Variants in TTLL5 observed in about 807,000 individuals in gnomAD.
TTLL5 encodes the protein tubulin tyrosine ligase like 5.
Under a neutral mutation model 168.4 loss-of-function variants are expected in TTLL5, and 132 were observed. The ratio of observed to expected loss-of-function variants is 0.78; its 90% CI spans 0.68 to 0.91. The LOEUF (loss-of-function observed/expected upper bound fraction) is 0.91. Among genes scored for constraint, TTLL5 ranks in the 40% least tolerant of loss-of-function variants. TTLL5 has a pLI of 0.00. For missense variants in TTLL5, 1,545 were observed against 1,581.5 expected (o/e 0.98, Z 0.39); for synonymous variants, 546 against 558.6 (o/e 0.98, Z 0.32).
chr14:75,703,560 A>G (rs779098537), intron 7 of TTLL5, among the ~76,000 whole-genome samples: 4 of 152,204 alleles, frequency 2.6e-5, no homozygotes, highest in Non-Finnish European at 4.4e-5. Context: ...AGTATATTCA[A>G]AGCAAGGAGG....
At chr14:75,767,887 T>C (rs951187091) in intron 20 of TTLL5, among the ~76,000 whole-genome samples, 1 of 152,164 alleles carries the variant, frequency 6.6e-6, no homozygotes, top group Non-Finnish European at 1.5e-5. Context: ...TAGTAAAATT[T>C]GCAAAGTAAA....
At chr14:75,949,042 G>A (rs984136211) in intron 31 of TTLL5, among the ~76,000 whole-genome samples, 1 of 152,086 alleles carries the variant, frequency 6.6e-6, no homozygotes, top group Non-Finnish European at 1.5e-5. Context: ...CTATTCCAGA[G>A]TATAAGAAAA....
chr14:75,804,182 G>C (rs896874012), intron 27 of TTLL5, among the ~76,000 whole-genome samples: 14 of 149,936 alleles, frequency 9.3e-5, no homozygotes, highest in African/African-American at 2.7e-4. Context: ...TGGAGAGTGG[G>C]AAAAAAAAAA....
At chr14:75,764,536 G>A in intron 18 of TTLL5, 79 bp from the exon 19 acceptor site, 1 of 1,540,546 alleles carries the variant, frequency 6.5e-7, no homozygotes, top group Non-Finnish European at 8.9e-7. Context: ...TCAGCATTAT[G>A]GAATTCTGGG....
chr14:75,948,592 A>AG lies in TTLL5; in HGVS notation c.3824-5828dup, dbSNP rs1469215019. On this transcript the variant is annotated intron_variant, in intron 31 of 31. Transcript: ENST00000298832. ...TTTATGCTTACAGTGAGGGAAGAGG[A>AG]GGGGCTGAAAGTTAATGTGCCAAGT... Among the ~76,000 whole-genome samples the AG allele has an allele frequency of 3.2e-4, 48 of 152,280 alleles. No homozygotes were observed. The East Asian group carries it at 7.7e-3, about 24-fold the overall frequency.
intron 29 of TTLL5, among the ~76,000 whole-genome samples, chr14:75,868,081 G>A (rs1422769816): frequency 1.3e-5 from 2 of 152,178 alleles, no homozygotes; most frequent in Non-Finnish European, 2.9e-5. Flanking sequence ...TGCAGACATT[G>A]AGCTGATGTT....
intron 29 of TTLL5, among the ~76,000 whole-genome samples, chr14:75,867,891 C>A (rs1460358841): frequency 1.3e-5 from 2 of 152,088 alleles, no homozygotes; most frequent in Non-Finnish European, 2.9e-5. Flanking sequence ...TTCTGTCTTT[C>A]TTCTCCTGCT....
chr14:75,792,345 A>G (rs1276041734), intron 26 of TTLL5, among the ~76,000 whole-genome samples: 1 of 152,060 alleles, frequency 6.6e-6, no homozygotes, highest in Non-Finnish European at 1.5e-5. Flanking sequence ...CACGTTGTGC[A>G]CATGTACCCT....
intron 31 of TTLL5, among the ~76,000 whole-genome samples, chr14:75,921,567 C>G (rs1595271483): frequency 6.6e-6 from 1 of 152,182 alleles, no homozygotes; most frequent in Admixed American, 6.5e-5. Context: ...GGCCTCCGTT[C>G]TGTTCCATTG....
chr14:75,945,936 A>G (rs2034758111), intron 31 of TTLL5, among the ~76,000 whole-genome samples: 1 of 152,256 alleles, frequency 6.6e-6, no homozygotes, highest in Non-Finnish European at 1.5e-5. Flanking sequence ...AATACAGTGT[A>G]ATGTTGCCAT....
chr14:75,710,533 T>C (rs994550928), intron 9 of TTLL5: 1 of 152,138 alleles, frequency 6.6e-6, no homozygotes, highest in African/African-American at 2.4e-5. Flanking sequence ...AGGGCTTTGG[T>C]TAGGTTTACC....
intron 5 of TTLL5, 120 bp downstream of exon 5, chr14:75,683,776 CT>C (rs11406886): frequency 0.057 from 27,085 of 478,990 alleles, no homozygotes; most frequent in East Asian, 0.11. Context: ...AGAAGAAGGA[CT>C]TTTTTTTTTT....
intron 28 of TTLL5, among the ~76,000 whole-genome samples, chr14:75,822,801 C>T (rs992232876): frequency 1.3e-5 from 2 of 152,154 alleles, no homozygotes; most frequent in Non-Finnish European, 2.9e-5. Context: ...TAAGCTCAGC[C>T]CAGCGCCTCA....
intron 18 of TTLL5, among the ~76,000 whole-genome samples, chr14:75,757,663 G>T (rs755090333): frequency 1.8e-4 from 27 of 152,098 alleles, no homozygotes; most frequent in Non-Finnish European, 3.7e-4. Context: ...ACTCTTTTAT[G>T]AGAATGTTCT....
At chr14:75,720,154 G>A (rs1887750618) in intron 11 of TTLL5, among the ~76,000 whole-genome samples, 1 of 152,100 alleles carries the variant, frequency 6.6e-6, no homozygotes. Flanking sequence ...CCCAAGTTTC[G>A]AGTTTTCTAA....
At chr14:75,867,988 G>A (rs761097644) in intron 29 of TTLL5, among the ~76,000 whole-genome samples, 3 of 152,184 alleles carry the variant, frequency 2.0e-5, no homozygotes, top group Non-Finnish European at 4.4e-5. Flanking sequence ...GACTACTGGT[G>A]ACATCAGCAT....
At chr14:75,873,717 A>G (rs1273048920) in intron 29 of TTLL5, among the ~76,000 whole-genome samples, 4 of 151,722 alleles carry the variant, frequency 2.6e-5, no homozygotes, top group Non-Finnish European at 5.9e-5. Flanking sequence ...CCATTCATTC[A>G]TTGATGGACA....
chr14:75,820,005 A>G lies in TTLL5; in HGVS notation c.3172-2A>G, dbSNP rs756311924. ...AGGTTATTTCCCTCGCTTTATTTCT[A>G]GGTAACAAACCTGAATTTGGCAACT... On this transcript the variant is annotated splice_acceptor_variant, in intron 27 of 31. Coordinates refer to ENST00000298832, the MANE Select transcript of TTLL5 (RefSeq NM_015072.5). LOFTEE classifies it high-confidence loss of function. 8 of 1,593,020 alleles carry G rather than the reference A, an allele frequency of 5.0e-6. No individual in the cohort carries two copies. The highest frequency in any genetic ancestry group is 6.8e-6 in the Non-Finnish European group (8 of 1,172,110).
intron 29 of TTLL5, 64 bp downstream of exon 29, chr14:75,863,926 A>AAGAAAG: frequency 1.6e-6 from 2 of 1,257,816 alleles, no homozygotes; most frequent in East Asian, 6.3e-5. Flanking sequence ...AAAAAAAAAA[A>AAGAAAG]AAAAAAAAGG....
Sources: allele counts gnomAD v4.1 joint callset (sites outside exome capture counted in the v4.1 genomes callset), GRCh38; gene constraint gnomAD v4.1.1; transcripts MANE v1.5; gene names NCBI Gene and HGNC (gene_info 2026-07-23, HGNC 2026-07-21).